The following ABR variants were observed in gnomAD, a reference collection of about 807,000 sequenced individuals.
ABR encodes active breakpoint cluster region-related protein.
A neutral mutation model predicts 107.2 loss-of-function variants in ABR; 35 were observed. The observed-to-expected ratio is 0.33, with a 90% CI of 0.25 to 0.43. The LOEUF is 0.43. Ranked by LOEUF, ABR falls within the 20% of genes least tolerant of loss-of-function variation. The probability of loss-of-function intolerance (pLI) is 1.00; values close to 1 mark genes in which losing one functional copy is unlikely to be tolerated. For synonymous variants in ABR, 498 were observed against 462.0 expected, an observed-to-expected ratio of 1.08 and a Z score of -1.00; for missense variants, 815 against 1,115.2, an observed-to-expected ratio of 0.73 and a Z score of 3.83.
At chr17:1,023,030 C>A (rs980719679) in intron 16 of ABR, among the ~76,000 whole-genome samples, 6 of 145,250 alleles carry the variant, frequency 4.1e-5, no homozygotes, top group African/African-American at 1.6e-4. Context: ...CCCACGTCCA[C>A]TGCAGAGCCT....
At chr17:1,172,825 G>A (rs2151603155) in intron 1 of ABR, among the ~76,000 whole-genome samples, 1 of 152,084 alleles carries the variant, frequency 6.6e-6, no homozygotes, top group South Asian at 2.1e-4. Flanking sequence ...ACAAGCCAAG[G>A]TCACATGTCA....
chr17:1,057,237 T>C, intron 12 of ABR, 135 bp from the exon 13 acceptor site: 1 of 599,550 alleles, frequency 1.7e-6, no homozygotes, highest in Non-Finnish European at 3.0e-6. Flanking sequence ...GGGGGAAGGA[T>C]TTGTGGACAC....
intron 1 of ABR, among the ~76,000 whole-genome samples, chr17:1,146,709 A>G (rs2040550475): frequency 7.2e-6 from 1 of 138,978 alleles, no homozygotes; most frequent in Admixed American, 7.2e-5. Context: ...CCATGCCACC[A>G]CTGCCACTAC....
At chr17:1,158,545 C>A in intron 1 of ABR, among the ~76,000 whole-genome samples, 1 of 151,808 alleles carries the variant, frequency 6.6e-6, no homozygotes, top group East Asian at 2.0e-4. Flanking sequence ...GGCAGATCGC[C>A]TGAGGTCAGG....
intron 10 of ABR, among the ~76,000 whole-genome samples, chr17:1,065,490 AT>A (rs2034608608): frequency 3.0e-5 from 4 of 131,630 alleles, no homozygotes; most frequent in African/African-American, 1.1e-4. Flanking sequence ...CGCTGTTGTT[AT>A]GTGAACTGAG....
intron 10 of ABR, among the ~76,000 whole-genome samples, chr17:1,059,754 C>A (rs1186481528): frequency 6.6e-6 from 1 of 152,214 alleles, no homozygotes; most frequent in Non-Finnish European, 1.5e-5. Context: ...GCTCCCAAGG[C>A]CATCCTCAAG....
chr17:1,176,498 T>C (rs2041923086), intron 1 of ABR, among the ~76,000 whole-genome samples: 1 of 152,214 alleles, frequency 6.6e-6, no homozygotes, highest in Non-Finnish European at 1.5e-5. Context: ...GAGCCTCACT[T>C]TCCTACTCTG....
chr17:1,182,703 G>A (rs947032525), upstream of ABR, among the ~76,000 whole-genome samples: 1 of 152,108 alleles, frequency 6.6e-6, no homozygotes, highest in African/African-American at 2.4e-5. Flanking sequence ...CTGCCTCCAC[G>A]GCCAGCTAAC....
At chr17:1,107,128 G>A (rs1275008383) in intron 2 of ABR, among the ~76,000 whole-genome samples, 1 of 152,250 alleles carries the variant, frequency 6.6e-6, no homozygotes, top group Non-Finnish European at 1.5e-5. Context: ...TTCGAGAAAG[G>A]TCTCCTTCCC....
intron 2 of ABR, among the ~76,000 whole-genome samples, chr17:1,110,441 G>A (rs559734359): frequency 3.3e-5 from 5 of 152,294 alleles, no homozygotes; most frequent in African/African-American, 1.2e-4. Context: ...GATGGCTGCT[G>A]GAGGAAACGC....
intron 4 of ABR, among the ~76,000 whole-genome samples, chr17:1,089,786 C>T (rs946361448): frequency 2.0e-5 from 3 of 152,198 alleles, no homozygotes; most frequent in African/African-American, 4.8e-5. Context: ...ATGGCGAAAC[C>T]CCGTCTCTAC....
intron 5 of ABR, among the ~76,000 whole-genome samples, chr17:1,081,672 G>A (rs542512541): frequency 2.8e-4 from 42 of 152,290 alleles, no homozygotes; most frequent in Non-Finnish European, 5.3e-4. Flanking sequence ...CACCTCCCGG[G>A]TTCAAGAGAT....
At chr17:1,153,790 G>A (rs1443019415) in intron 1 of ABR, 19 of 198,512 alleles carry the variant, frequency 9.6e-5, no homozygotes, top group East Asian at 8.3e-4. Context: ...CGGGAGGGCT[G>A]GGGGTCCAGG....
At position 1,084,302 on chromosome 17, in the gene ABR, A is replaced by G. The variant is rs2036454284; in HGVS notation, c.532-675T>C. 1.3e-5 allele frequency among the ~76,000 whole-genome samples: 2 copies of G among 152,210 alleles called. No individual in the cohort carries two copies. Among genetic ancestry groups the G allele is most frequent in the Admixed American group, 6.5e-5 (1 of 15,278 alleles). On this transcript the variant is annotated intron_variant, in intron 4 of 22. Transcript: ENST00000302538. The surrounding 1 kb of genome is among the most constrained non-coding windows in gnomAD (Gnocchi z 4.2). ...TGAGGCAGGAGAATCGCTTGAACCC[A>G]AGAGGTGGAGGCTGCAGTGAACCAA...
At chr17:1,012,648 G>A (rs1007569991) in intron 18 of ABR, 40 bp downstream of exon 18, 9 of 1,484,566 alleles carry the variant, frequency 6.1e-6, no homozygotes, top group Non-Finnish European at 7.4e-6. Context: ...GGGACCCGGG[G>A]CACCGACGCC....
At chr17:1,217,038 A>G (rs1159827909) in intron 1 of ABR, among the ~76,000 whole-genome samples, 1 of 152,172 alleles carries the variant, frequency 6.6e-6, no homozygotes, top group African/African-American at 2.4e-5. Context: ...ACAGAGCATC[A>G]TGGAGGCTCA....
chr17:1,142,468 C>T (rs1222815283), intron 1 of ABR, among the ~76,000 whole-genome samples: 1 of 151,968 alleles, frequency 6.6e-6, no homozygotes, highest in African/African-American at 2.4e-5. Flanking sequence ...GTCTGTAATC[C>T]CAGCTACTCG....
chr17:1,223,260 G>A (rs1422480866), intron 1 of ABR, among the ~76,000 whole-genome samples: 2 of 150,904 alleles, frequency 1.3e-5, no homozygotes, highest in African/African-American at 2.4e-5. Flanking sequence ...AGTAATCTCA[G>A]CTACTCAGAA....
At chr17:1,083,373 A>T in intron 5 of ABR, 147 bp downstream of exon 5, 1 of 425,882 alleles carries the variant, frequency 2.3e-6, no homozygotes, top group Admixed American at 3.9e-5. Context: ...GGAAAATGTC[A>T]GGTGCAAGAA....
Sources: allele counts gnomAD v4.1 joint callset (sites outside exome capture counted in the v4.1 genomes callset), GRCh38; gene constraint gnomAD v4.1.1; non-coding constraint Gnocchi (gnomAD v3.1); transcripts MANE v1.5; gene names NCBI Gene and HGNC (gene_info 2026-07-23, HGNC 2026-07-21).